Variants in DPP10 observed in about 807,000 individuals in gnomAD.
DPP10 encodes the protein dipeptidyl peptidase like 10, also known as inactive dipeptidyl peptidase 10.
A neutral mutation model predicts 120.9 loss-of-function variants in DPP10; 33 were observed. That is an observed-to-expected ratio of 0.27 (90% confidence interval 0.21 to 0.37). DPP10 has a LOEUF of 0.37. Ranked by LOEUF, DPP10 falls within the 10% of genes least tolerant of loss-of-function variation. The pLI, the probability that DPP10 is intolerant of heterozygous loss-of-function variation, is 1.00. For synonymous variants in DPP10, 337 were observed against 326.1 expected, an observed-to-expected ratio of 1.03 and a Z score of -0.36; for missense variants, 816 against 942.8, an observed-to-expected ratio of 0.87 and a Z score of 1.76.
At chr2:115,650,718 A>G (rs2087692697) in intron 5 of DPP10, among the ~76,000 whole-genome samples, 1 of 151,980 alleles carries the variant, frequency 6.6e-6, no homozygotes. Flanking sequence ...TAGTGTAGCC[A>G]TATTCAACAC....
chr2:114,676,657 G>T (rs1172325381), intron 1 of DPP10, among the ~76,000 whole-genome samples: 1 of 152,078 alleles, frequency 6.6e-6, no homozygotes, highest in Non-Finnish European at 1.5e-5. Context: ...CAAGGCTTAA[G>T]AAACAGCATT....
intron 1 of DPP10, among the ~76,000 whole-genome samples, chr2:114,824,589 G>A (rs530132525): frequency 6.6e-6 from 1 of 152,006 alleles, no homozygotes; most frequent in African/African-American, 2.4e-5. Flanking sequence ...CAGATATTTG[G>A]TACATCAGAG....
chr2:115,294,736 A>C (rs2060807871), intron 1 of DPP10, among the ~76,000 whole-genome samples: 1 of 152,134 alleles, frequency 6.6e-6, no homozygotes, highest in Admixed American at 6.6e-5. Flanking sequence ...ACAACTATTA[A>C]GCCTGACCAA....
At chr2:114,469,019 T>C (rs896938320) in intron 1 of DPP10, among the ~76,000 whole-genome samples, 2 of 152,142 alleles carry the variant, frequency 1.3e-5, no homozygotes, top group African/African-American at 2.4e-5. Context: ...AGAGATAGCA[T>C]GTGAAAGAAA....
At chr2:115,037,166 A>G (rs1208327036) in intron 1 of DPP10, among the ~76,000 whole-genome samples, 1 of 152,210 alleles carries the variant, frequency 6.6e-6, no homozygotes, top group Admixed American at 6.5e-5. Context: ...TTGGTTACAA[A>G]TTGTCTTAAT....
At chr2:115,015,425 CT>C (rs1702564206) in intron 1 of DPP10, among the ~76,000 whole-genome samples, 1 of 152,096 alleles carries the variant, frequency 6.6e-6, no homozygotes, top group African/African-American at 2.4e-5. Context: ...GAAGCATTCC[CT>C]TTGAAAACCA....
intron 11 of DPP10, among the ~76,000 whole-genome samples, chr2:115,757,339 T>A (rs1039946593): frequency 8.6e-5 from 13 of 151,354 alleles, no homozygotes; most frequent in East Asian, 5.8e-4. Flanking sequence ...CAAAAAAAAA[T>A]AATAATAATA....
At chr2:114,501,750 T>C (rs1683201927) in intron 1 of DPP10, among the ~76,000 whole-genome samples, 3 of 152,184 alleles carry the variant, frequency 2.0e-5, no homozygotes, top group Admixed American at 6.5e-5. Flanking sequence ...CAATTTCATT[T>C]TGCAACTCTC....
intron 1 of DPP10, among the ~76,000 whole-genome samples, chr2:115,210,186 A>G (rs1437478502): frequency 6.6e-6 from 1 of 152,012 alleles, no homozygotes; most frequent in East Asian, 1.9e-4. Context: ...CAACTCCATG[A>G]CAGGCCCTGG....
At chr2:115,289,434 A>G (rs1275636057) in intron 1 of DPP10, among the ~76,000 whole-genome samples, 1 of 149,946 alleles carries the variant, frequency 6.7e-6, no homozygotes, top group Non-Finnish European at 1.5e-5. Flanking sequence ...CAAAATGCCA[A>G]TGCCATTTTT....
At chr2:115,458,656 A>G (rs1036383334) in intron 3 of DPP10, among the ~76,000 whole-genome samples, 2 of 152,132 alleles carry the variant, frequency 1.3e-5, no homozygotes, top group Admixed American at 6.6e-5. Context: ...ACACACATAT[A>G]TACGTATTGA....
At chr2:114,796,467 G>T (rs1683722373) in intron 1 of DPP10, among the ~76,000 whole-genome samples, 1 of 151,408 alleles carries the variant, frequency 6.6e-6, no homozygotes, top group Non-Finnish European at 1.5e-5. Flanking sequence ...TAATAATATA[G>T]TATATAATAT....
intron 3 of DPP10, among the ~76,000 whole-genome samples, chr2:115,463,103 A>G (rs149023856): frequency 1.3e-5 from 2 of 152,164 alleles, no homozygotes; most frequent in South Asian, 2.1e-4. Flanking sequence ...TGAAATAGCT[A>G]CTCTGTGCCA....
At chr2:115,257,553 T>G (rs1038061155) in intron 1 of DPP10, among the ~76,000 whole-genome samples, 4 of 152,148 alleles carry the variant, frequency 2.6e-5, no homozygotes, top group Non-Finnish European at 4.4e-5. Context: ...CACCAAGCTG[T>G]GAAAGATTCT....
chr2:115,602,717 G>A (rs1159395188), intron 5 of DPP10, among the ~76,000 whole-genome samples: 3 of 152,162 alleles, frequency 2.0e-5, no homozygotes, highest in Non-Finnish European at 4.4e-5. Context: ...TCATGGCACA[G>A]CCTGGGGATA....
At chr2:115,691,051 G>A (rs1462252100) in intron 7 of DPP10, among the ~76,000 whole-genome samples, 1 of 151,766 alleles carries the variant, frequency 6.6e-6, no homozygotes, top group African/African-American at 2.4e-5. Flanking sequence ...ATGGTTACTG[G>A]CAATTTGTAT....
At chr2:114,592,452 C>A (rs950759649) in intron 1 of DPP10, among the ~76,000 whole-genome samples, 4 of 152,002 alleles carry the variant, frequency 2.6e-5, no homozygotes, top group Admixed American at 2.0e-4. Flanking sequence ...GTCAAAAAAA[C>A]CAGCATTGAG....
chr2:114,722,644 C>T (rs528415123), intron 1 of DPP10, among the ~76,000 whole-genome samples: 5 of 151,680 alleles, frequency 3.3e-5, no homozygotes, highest in South Asian at 2.1e-4. Context: ...GGCGTGGTGG[C>T]GGGAGCCTGT....
intron 3 of DPP10, among the ~76,000 whole-genome samples, chr2:115,366,834 TCTTACCC>T (rs1045576138): frequency 1.3e-5 from 2 of 151,968 alleles, no homozygotes; most frequent in Non-Finnish European, 2.9e-5. Context: ...TCGCTCCAAT[TCTTACCC>T]CTTCAGCACT....
Sources: gnomAD v4.1 joint callset for allele counts (sites outside exome capture counted in the v4.1 genomes callset) on GRCh38, gnomAD v4.1.1 for gene constraint, MANE v1.5 for transcripts, NCBI Gene and HGNC (gene_info 2026-07-23, HGNC 2026-07-21) for gene names.